The following ATF6 variants were observed in gnomAD, a reference collection of about 807,000 sequenced individuals.
ATF6 encodes activating transcription factor 6.
Under a neutral mutation model 83.6 loss-of-function variants are expected in ATF6, and 53 were observed. The ratio of observed to expected loss-of-function variants is 0.63; its 90% CI spans 0.51 to 0.80. The LOEUF is 0.80. ATF6 is among the 30% of genes least tolerant of loss of function. The pLI is 0.00. For missense variants in ATF6, 744 were observed against 797.9 expected (o/e 0.93, Z 0.81); for synonymous variants, 288 against 285.8 (o/e 1.01, Z -0.08).
intron 14 of ATF6, among the ~76,000 whole-genome samples, chr1:161,864,790 T>A (rs10918092): frequency 0.28 from 43,022 of 152,080 alleles, 7,491 homozygotes; most frequent in South Asian, 0.42. Context: ...CTGAGAACAA[T>A]GTTTCCTGCA....
intron 14 of ATF6, among the ~76,000 whole-genome samples, chr1:161,875,610 T>C (rs1687199547): frequency 6.6e-6 from 1 of 151,844 alleles, no homozygotes; most frequent in Non-Finnish European, 1.5e-5. Flanking sequence ...TTGTCAAAAA[T>C]ATGTCAGTTT....
chr1:161,911,985 T>G (rs1314092039), intron 14 of ATF6, among the ~76,000 whole-genome samples: 1 of 152,194 alleles, frequency 6.6e-6, no homozygotes, highest in African/African-American at 2.4e-5. Flanking sequence ...GAATTAGAAT[T>G]AAAATCCCTT....
intron 15 of ATF6, among the ~76,000 whole-genome samples, chr1:161,955,821 G>A (rs969744644): frequency 6.6e-6 from 1 of 152,152 alleles, no homozygotes; most frequent in Non-Finnish European, 1.5e-5. Flanking sequence ...TCGTCTTCTA[G>A]CAATGCTGAT....
intron 4 of ATF6, among the ~76,000 whole-genome samples, chr1:161,784,473 T>TA (rs1368796741): frequency 6.6e-6 from 1 of 152,196 alleles, no homozygotes; most frequent in African/African-American, 2.4e-5. Flanking sequence ...TTATATCTCT[T>TA]TAGTCACAGC....
At chr1:161,906,763 G>C (rs1687884563) in intron 14 of ATF6, among the ~76,000 whole-genome samples, 1 of 152,078 alleles carries the variant, frequency 6.6e-6, no homozygotes, top group Non-Finnish European at 1.5e-5. Context: ...CGTATTAATG[G>C]TACAGATGCA....
chr1:161,952,282 A>G (rs983147338), intron 15 of ATF6, among the ~76,000 whole-genome samples: 8 of 151,998 alleles, frequency 5.3e-5, no homozygotes, highest in African/African-American at 1.9e-4. Context: ...CCTCTCCACT[A>G]AAATGTCCTC....
rs1474909155 is a variant in ATF6 at position 161,802,319 on chromosome 1, C to G, written c.909+47C>G. 2.6e-6 allele frequency: 4 copies of G among 1,531,784 alleles called. No homozygotes were observed. The African/African-American group carries it at 5.6e-5, about 21-fold the overall frequency. The allele number at this position is 1,531,784 out of a possible 1,614,324, so 94.9% of individuals were successfully genotyped here. A position where few individuals can be genotyped will look rare whatever the true frequency, so the allele number is the denominator to read the frequency against. ...TTCTCTTAATGCCTGATTTAAAAAC[C>G]AACAAAAAAACACCTTTTGCTTTTG... On this transcript the variant is annotated intron_variant, in intron 7 of 15. Transcript: ENST00000367942.
chr1:161,812,554 G>A (rs1459026444), intron 7 of ATF6, among the ~76,000 whole-genome samples: 2 of 151,446 alleles, frequency 1.3e-5, no homozygotes, highest in South Asian at 2.1e-4. Context: ...CACTACGCCC[G>A]GCTAATTTTT....
intron 13 of ATF6, among the ~76,000 whole-genome samples, chr1:161,861,811 A>G (rs1402191196): frequency 6.6e-6 from 1 of 152,060 alleles, no homozygotes; most frequent in East Asian, 1.9e-4. Context: ...CATTTTTCAT[A>G]TTTTTGTGCT....
chr1:161,944,962 G>A (rs56041058), intron 15 of ATF6, among the ~76,000 whole-genome samples: 31,170 of 151,970 alleles, frequency 0.21, 3,943 homozygotes, highest in Non-Finnish European at 0.28. Context: ...GCAGTGTTTG[G>A]CATTGTATCT....
intron 4 of ATF6, 44 bp downstream of exon 4, chr1:161,784,140 A>G (rs769530072): frequency 7.4e-7 from 1 of 1,343,968 alleles, no homozygotes; most frequent in African/African-American, 1.4e-5. Context: ...ATAATATGCT[A>G]TCTGGAAAAT....
chr1:161,901,951 A>T (rs1687795008), intron 14 of ATF6, among the ~76,000 whole-genome samples: 1 of 152,310 alleles, frequency 6.6e-6, no homozygotes, highest in Admixed American at 6.5e-5. Context: ...TCTAAATATG[A>T]ACATATTTCA....
chr1:161,848,362 G>GT (rs1195355628), intron 10 of ATF6, among the ~76,000 whole-genome samples: 1 of 151,804 alleles, frequency 6.6e-6, no homozygotes, highest in African/African-American at 2.4e-5. Flanking sequence ...ATTTTCAGCC[G>GT]TGATACCTAT....
intron 9 of ATF6, among the ~76,000 whole-genome samples, chr1:161,834,247 C>T (rs893251823): frequency 1.2e-4 from 18 of 152,036 alleles, no homozygotes; most frequent in East Asian, 3.9e-4. Context: ...ACAAGAGCTC[C>T]GGAAGGAAGC....
chr1:161,791,422 G>C lies in ATF6; in HGVS notation c.369G>C (p.Leu123Phe), dbSNP rs1684877746. 6.2e-7 allele frequency: 1 copy of C among 1,608,444 alleles called. No individual in the cohort carries two copies. Among genetic ancestry groups the C allele is most frequent in the African/African-American group, 1.3e-5 (1 of 74,564 alleles). ...TTATGCTACAGGAGGAGTTGGATTTGTCTTCTAGTTCTCAGATGTCTCCCC... is the reference window on the plus strand; with the variant it reads ...TTATGCTACAGGAGGAGTTGGATTTCTCTTCTAGTTCTCAGATGTCTCCCC... ...STQHVPEELD[L>F]SSSSQMSPLS... is the part of the protein sequence containing the mutation. The change falls in exon 5 of 16, where the codon TTG becomes TTC. Residue 123 changes from leucine (L) to phenylalanine (F), a missense_variant. Physicochemically the swap from Leu to Phe is conservative, Grantham distance 22. Coordinates refer to ENST00000367942, the MANE Select transcript of ATF6 (RefSeq NM_007348.4).
intron 9 of ATF6, among the ~76,000 whole-genome samples, chr1:161,831,723 C>G (rs1406599194): frequency 6.8e-6 from 1 of 146,580 alleles, no homozygotes; most frequent in Non-Finnish European, 1.5e-5. Flanking sequence ...CATGTTCTCA[C>G]TCATAGGTGG....
chr1:161,769,904 C>G (rs949168514), intron 1 of ATF6, among the ~76,000 whole-genome samples: 4 of 152,104 alleles, frequency 2.6e-5, no homozygotes, highest in African/African-American at 9.7e-5. Flanking sequence ...AAGCTTCGCT[C>G]ACTCACCCAC....
In ATF6 at chr1:161,794,628, C is replaced by T. The variant is rs150361993; in HGVS notation, c.688+2301C>T. ...ATGCCTGGCCTCCTAGTTTAGTTTT[C>T]GAACTTTATAATATTACTCTTTTCT... is the stretch of plus-strand genomic sequence containing the variant. On this transcript the variant is annotated intron_variant, in intron 6 of 15. Coordinates refer to ENST00000367942, the MANE Select transcript of ATF6 (RefSeq NM_007348.4). Among the ~76,000 whole-genome samples, 714 of 152,200 alleles carry T rather than the reference C, an allele frequency of 4.7e-3. 8 individuals carry two copies. Among genetic ancestry groups the T allele is most frequent in the East Asian group, 8.1e-3 (42 of 5,176 alleles).
chr1:161,907,133 C>T (rs752744655), intron 14 of ATF6, among the ~76,000 whole-genome samples: 27 of 152,238 alleles, frequency 1.8e-4, no homozygotes, highest in Non-Finnish European at 3.4e-4. Flanking sequence ...TAGAAAACAA[C>T]ACTAGTGCAA....
Sources: allele counts gnomAD v4.1 joint callset (sites outside exome capture counted in the v4.1 genomes callset), GRCh38; gene constraint gnomAD v4.1.1; transcripts MANE v1.5; gene names NCBI Gene and HGNC (gene_info 2026-07-23, HGNC 2026-07-21).